Variants in CACTIN observed in about 807,000 individuals in gnomAD.
CACTIN encodes splicing factor Cactin.
In CACTIN, 20 loss-of-function variants were observed where a neutral mutation model predicts 84.9. The ratio of observed to expected loss-of-function variants is 0.24; its 90% confidence interval spans 0.17 to 0.34. The LOEUF (loss-of-function observed/expected upper bound fraction) is 0.34. Ranked by LOEUF, CACTIN falls within the 10% of genes least tolerant of loss-of-function variation. CACTIN has a pLI of 1.00. For missense variants in CACTIN, 897 were observed against 1,117.2 expected (o/e 0.80, Z 2.81); for synonymous variants, 549 against 467.9 (o/e 1.17, Z -2.24).
chr19:3,613,668 T>C (rs894290898), intron 7 of CACTIN, 82 bp from the exon 8 acceptor site: 4 of 1,515,258 alleles, frequency 2.6e-6, no homozygotes, highest in African/African-American at 1.4e-5. Context: ...ACGCCCCTTA[T>C]TGCTGCAAGG....
intron 2 of CACTIN, 44 bp downstream of exon 2, chr19:3,623,644 T>C (rs1285347762): frequency 6.6e-7 from 1 of 1,514,020 alleles, no homozygotes; most frequent in Admixed American, 2.0e-5. Flanking sequence ...CCAGAAACAG[T>C]GGAAATGCTA....
chr19:3,623,900 G>A lies in CACTIN; in HGVS notation c.430C>T (p.Leu144=), dbSNP rs1292186343. The A allele has an allele frequency of 1.1e-5, 18 of 1,606,620 alleles. No individual in the cohort carries two copies. Among genetic ancestry groups the A allele is most frequent in the Non-Finnish European group, 1.5e-5 (18 of 1,179,718 alleles). ...TGCTTCCGCTCCTCCCGCAGCCGCAGCCGCTCCTGCAGGCTCTGCTGCTGG... is the reference window on the plus strand; with the variant it reads ...TGCTTCCGCTCCTCCCGCAGCCGCAACCGCTCCTGCAGGCTCTGCTGCTGG... ...LSQQQSLQER[L]RLREERKQQE... is the part of the protein sequence containing the mutation. The change falls in exon 2 of 10, where the codon CTG becomes TTG. Residue 144 remains leucine, a synonymous_variant. Coordinates refer to ENST00000429344, the MANE Select transcript of CACTIN (RefSeq NM_001080543.2).
intron 1 of CACTIN, among the ~76,000 whole-genome samples, chr19:3,625,621 C>T (rs1217908918): frequency 6.6e-6 from 1 of 152,226 alleles, no homozygotes; most frequent in Non-Finnish European, 1.5e-5. Flanking sequence ...ACCCCAGCTA[C>T]CGGGGAGGCT....
chr19:3,626,669 G>A lies in CACTIN; in HGVS notation c.94C>T (p.His32Tyr). 3 of 1,533,958 alleles carry A rather than the reference G, an allele frequency of 2.0e-6. No homozygotes were observed. Among genetic ancestry groups the A allele is most frequent in the South Asian group, 1.2e-5 (1 of 82,860 alleles). Reference sequence around the variant, plus strand: ...CGGCGCCGTCGGTTTCGCCGCCCATGGCTCCTGCTCCGACTTCGGCTCCCG... The same window carrying A: ...CGGCGCCGTCGGTTTCGCCGCCCATAGCTCCTGCTCCGACTTCGGCTCCCG... The part of the protein sequence containing the change: ...QSGSRSRSRS[H>Y]GRRNRRRRED... The change falls in exon 1 of 10, where the codon CAT (histidine) becomes TAT (tyrosine). Residue 32 changes from histidine to tyrosine, a missense_variant. By Grantham distance (83) the His-to-Tyr change is moderately conservative (BLOSUM62 2). This residue lies in a region of CACTIN where 261 missense variants were observed against 243.8 expected (regional missense o/e 1.07). Transcript: ENST00000429344.
At chr19:3,612,990 G>C in intron 9 of CACTIN, 68 bp downstream of exon 9, 4 of 1,487,640 alleles carry the variant, frequency 2.7e-6, no homozygotes, top group Non-Finnish European at 3.6e-6. Flanking sequence ...CGGGAAATGA[G>C]GCTGGAGAAG....
chr19:3,626,688 G>A lies in CACTIN; in HGVS notation c.75C>T (p.Ser25=). Residue 25 remains serine, a synonymous_variant, in exon 1 of 10, where the codon AGC becomes AGT. Transcript: ENST00000429344. Reference sequence around the variant, plus strand: ...GCCCATGGCTCCTGCTCCGACTTCGGCTCCCGCTCTGACTCTGCCGCCTTC... The same window carrying A: ...GCCCATGGCTCCTGCTCCGACTTCGACTCCCGCTCTGACTCTGCCGCCTTC... ...RGRRRQSQSG[S]RSRSRSHGRR... The A allele has an allele frequency of 6.6e-7, 1 of 1,519,464 alleles. No homozygotes were observed. Among genetic ancestry groups the A allele is most frequent in the Non-Finnish European group, 8.8e-7 (1 of 1,141,514 alleles). The allele number at this position is 1,519,464 out of a possible 1,614,324, so 94.1% of individuals were successfully genotyped here. A position where few individuals can be genotyped will look rare whatever the true frequency, so the allele number is the denominator to read the frequency against.
intron 1 of CACTIN, 32 bp downstream of exon 1, chr19:3,626,564 G>A: frequency 7.2e-7 from 1 of 1,379,448 alleles, no homozygotes. Flanking sequence ...GTAGGAGCCG[G>A]ATCCCCAGCG....
At chr19:3,625,153 A>G (rs893242796) in intron 1 of CACTIN, among the ~76,000 whole-genome samples, 1 of 152,068 alleles carries the variant, frequency 6.6e-6, no homozygotes, top group Non-Finnish European at 1.5e-5. Flanking sequence ...CAGCCTCCCA[A>G]AGTGTTGGGA....
chr19:3,618,621 C>T (rs975016568), intron 6 of CACTIN, among the ~76,000 whole-genome samples: 5 of 152,348 alleles, frequency 3.3e-5, no homozygotes, highest in Middle Eastern at 3.4e-3. Flanking sequence ...CCGGCACCGC[C>T]GAGTCAGCGT....
chr19:3,611,868 C>A lies in CACTIN; in HGVS notation c.*55G>T, dbSNP rs761845195. On this transcript the variant is annotated 3_prime_UTR_variant, in exon 10 of 10. Transcript: ENST00000429344. ...GGCCCCGGAGTGACCACCAGCTTCA[C>A]CGAAGCCCCTTTACTGTGCCCCCGA... 1.3e-6 allele frequency: 2 copies of A among 1,590,672 alleles called. No individual in the cohort carries two copies. Among genetic ancestry groups the A allele is most frequent in the Admixed American group, 1.8e-5 (1 of 56,424 alleles).
At chr19:3,612,644 C>G in intron 9 of CACTIN, 1 of 722,978 alleles carries the variant, frequency 1.4e-6, no homozygotes. Flanking sequence ...GGGTGGGGAC[C>G]AAGCGCAGCG....
chr19:3,621,279 TG>T (rs2033219272), intron 2 of CACTIN, among the ~76,000 whole-genome samples: 1 of 152,206 alleles, frequency 6.6e-6, no homozygotes, highest in South Asian at 2.1e-4. Flanking sequence ...AAAGCAAACC[TG>T]TGGGGTCATG....
chr19:3,621,399 G>C (rs2033221915), intron 2 of CACTIN, among the ~76,000 whole-genome samples: 1 of 152,242 alleles, frequency 6.6e-6, no homozygotes, highest in Admixed American at 6.5e-5. Context: ...GCCTGGCGCG[G>C]AGCCCCCACT....
At position 3,612,010 on chromosome 19, in the gene CACTIN, G is replaced by A. The variant is rs1166222068; in HGVS notation, c.2190C>T (p.Tyr730=). Residue 730 remains tyrosine, a synonymous_variant, in exon 10 of 10, where the codon TAC becomes TAT. Transcript: ENST00000429344. ...GGCAGCGGAAGCCGTGGCGGTGCGA[G>A]TATTCCCACTCGCGGTTGACGATCT... ...AFKIVNREWE[Y]SHRHGFRCQF... is the part of the protein sequence containing the mutation. 2.5e-6 allele frequency: 4 copies of A among 1,613,530 alleles called. No individual in the cohort carries two copies. The highest frequency in any genetic ancestry group is 1.6e-4 in the Middle Eastern group (1 of 6,084).
At position 3,613,158 on chromosome 19, in the gene CACTIN, C is replaced by G; in HGVS notation, c.1686G>C (p.Arg562=). 1 of 1,610,110 alleles carries G rather than the reference C, an allele frequency of 6.2e-7. No individual in the cohort carries two copies. The highest frequency in any genetic ancestry group is 8.5e-7 in the Non-Finnish European group (1 of 1,179,288). The change falls in exon 9 of 10, where the codon CGG becomes CGC. Residue 562 remains arginine (R), a synonymous_variant. Coordinates refer to ENST00000429344, the MANE Select transcript of CACTIN (RefSeq NM_001080543.2). ...GTGGCAGCTCGTGCGCCGTGAGCAG[C>G]CGCGGGCTGTACCTGCCGGCGTCGT... ...DDYDAGRYSP[R]LLTAHELPLD... is the part of the protein sequence containing the mutation.
Position 3,623,742 on chromosome 19 carries a change from G to A in CACTIN, c.588C>T (p.Asn196=), listed in dbSNP as rs758487720. The stretch of plus-strand genomic sequence containing the variant: ...TGTTGTCTCCGAAGGGGTTGTCGGT[G>A]TTGGTGTAGCCCATGTACTCCTCAC... ...GWGEEYMGYT[N]TDNPFGDNNL... Residue 196 remains asparagine, a synonymous_variant, in exon 2 of 10, where the codon AAC becomes AAT. Transcript: ENST00000429344. 5 of 1,613,844 alleles carry A rather than the reference G, an allele frequency of 3.1e-6. No homozygotes were observed. In the South Asian group the frequency reaches 5.5e-5, roughly 18 times the overall value.
In CACTIN at chr19:3,613,519, C is replaced by T; in HGVS notation, c.1423G>A (p.Glu475Lys). Residue 475 changes from glutamate to lysine, a missense_variant, in exon 8 of 10, where the codon GAG becomes AAG. Coordinates refer to ENST00000429344, the MANE Select transcript of CACTIN (RefSeq NM_001080543.2). ...AGGATGGGGAACAGCGGCTCGCTCT[C>T]CACGCCCTGCTCCTGCTTCAGTTTG... is the stretch of plus-strand genomic sequence containing the variant. ...LYKLKQEQGV[E>K]SEPLFPILKQ... The T allele has an allele frequency of 6.3e-7, 1 of 1,589,854 alleles. No individual in the cohort carries two copies. The highest frequency in any genetic ancestry group is 8.5e-7 in the Non-Finnish European group (1 of 1,172,842).
At chr19:3,617,642 G>C (rs1460581635) in intron 6 of CACTIN, among the ~76,000 whole-genome samples, 1 of 152,028 alleles carries the variant, frequency 6.6e-6, no homozygotes, top group African/African-American at 2.4e-5. Flanking sequence ...AGGAGAGGGC[G>C]GGGCCTAGGG....
At chr19:3,621,099 C>T in intron 2 of CACTIN, 6 of 501,618 alleles carry the variant, frequency 1.2e-5, no homozygotes, top group South Asian at 4.0e-5. Context: ...GAGGGCCTTG[C>T]TCGGGGCCAC....
Sources: allele counts gnomAD v4.1 joint callset (sites outside exome capture counted in the v4.1 genomes callset), GRCh38; gene constraint gnomAD v4.1.1; regional missense constraint gnomAD v4.1.1; transcripts MANE v1.5; gene names NCBI Gene and HGNC (gene_info 2026-07-23, HGNC 2026-07-21).